IL18R1: variants seen among roughly 807,000 people sequenced by gnomAD.
The protein encoded by IL18R1 is interleukin 18 receptor 1, also known as interleukin-18 receptor 1.
Under a neutral mutation model 48.5 loss-of-function variants are expected in IL18R1, and 40 were observed. The observed-to-expected ratio is 0.82, with a 90% CI of 0.64 to 1.07. IL18R1 has a LOEUF of 1.07. IL18R1 is among the 50% of genes least tolerant of loss of function. IL18R1 has a pLI of 0.00. For synonymous variants in IL18R1, 232 were observed against 225.9 expected (o/e 1.03, Z -0.24); for missense variants, 596 against 633.7 (o/e 0.94, Z 0.64).
chr2:102,361,004 C>A (rs1573180413), intron 1 of IL18R1, among the ~76,000 whole-genome samples: 1 of 152,124 alleles, frequency 6.6e-6, no homozygotes, highest in Non-Finnish European at 1.5e-5. Context: ...CAAATACCAG[C>A]TAATTTTTGT....
intron 8 of IL18R1, among the ~76,000 whole-genome samples, chr2:102,388,363 C>T (rs774699077): frequency 5.1e-4 from 77 of 152,192 alleles, no homozygotes; most frequent in Non-Finnish European, 9.6e-4. Context: ...CAGGGTCACA[C>T]GGCAGGTGAA....
intron 5 of IL18R1, among the ~76,000 whole-genome samples, chr2:102,378,801 G>A (rs537865976): frequency 1.7e-4 from 26 of 152,314 alleles, no homozygotes; most frequent in East Asian, 5.8e-4. Flanking sequence ...CATACAACAA[G>A]AAGTCTAGAC....
chr2:102,358,950 CAGTT>C (rs753081464), intron 1 of IL18R1, among the ~76,000 whole-genome samples: 6 of 151,998 alleles, frequency 3.9e-5, no homozygotes, highest in East Asian at 1.9e-4. Context: ...GAAAATATGA[CAGTT>C]AGTGATAAGT....
chr2:102,380,290 T>C (rs1420124617), intron 5 of IL18R1, among the ~76,000 whole-genome samples: 1 of 152,210 alleles, frequency 6.6e-6, no homozygotes, highest in Non-Finnish European at 1.5e-5. Context: ...ATTTGAGTGT[T>C]AGTAGACAGC....
At chr2:102,371,048 T>TTTTG (rs748010835) in intron 3 of IL18R1, among the ~76,000 whole-genome samples, 3 of 134,176 alleles carry the variant, frequency 2.2e-5, no homozygotes, top group Admixed American at 7.3e-5. Flanking sequence ...ATCACCTTTT[T>TTTTG]TTGTTGTTGT....
chr2:102,372,495 T>C (rs561009437), intron 4 of IL18R1, among the ~76,000 whole-genome samples: 1 of 152,364 alleles, frequency 6.6e-6, no homozygotes, highest in South Asian at 2.1e-4. Context: ...TTTCTGAATA[T>C]ATTAGTTCAT....
intron 5 of IL18R1, among the ~76,000 whole-genome samples, chr2:102,380,331 C>T (rs1679845565): frequency 6.6e-6 from 1 of 152,166 alleles, no homozygotes; most frequent in South Asian, 2.1e-4. Context: ...TTCACACTGC[C>T]CCTTCTCAAG....
At position 102,386,981 on chromosome 2, in the gene IL18R1, C is replaced by A; in HGVS notation, c.930C>A (p.Ser310Arg). Residue 310 changes from serine to arginine, a missense_variant, in exon 8 of 11, where the codon AGC (serine) becomes AGA (arginine). Physicochemically the swap from Ser to Arg is moderately radical, Grantham distance 110. Transcript: ENST00000233957. Reference sequence around the variant, plus strand: ...GCACGGGAGGCACAGACACCAAAAGCTTCATCTTGGTGAGAAAAGGTGAGA... The same window carrying A: ...GCACGGGAGGCACAGACACCAAAAGATTCATCTTGGTGAGAAAAGGTGAGA... ...VASTGGTDTK[S>R]FILVRKADMA... 1.2e-6 allele frequency: 2 copies of A among 1,613,270 alleles called. No homozygotes were observed. The highest frequency in any genetic ancestry group is 1.7e-6 in the Non-Finnish European group (2 of 1,179,756).
intron 2 of IL18R1, among the ~76,000 whole-genome samples, chr2:102,363,834 A>G (rs1458767974): frequency 6.6e-6 from 1 of 152,234 alleles, no homozygotes; most frequent in Admixed American, 6.5e-5. Flanking sequence ...CAAACTCAAG[A>G]CAGTTTCAAA....
Position 102,376,070 on chromosome 2 carries a change from G to A in IL18R1, c.625+7G>A, listed in dbSNP as rs776874442. Reference sequence around the variant, plus strand: ...AATATAACAATAGTGGAAGGTAAGGGAAATCTTAGAATTGGGAAGAAACAG... The same window carrying A: ...AATATAACAATAGTGGAAGGTAAGGAAAATCTTAGAATTGGGAAGAAACAG... On this transcript the variant is annotated splice_region_variant and intron_variant, in intron 5 of 10. Transcript: ENST00000233957. The A allele has an allele frequency of 6.4e-7, 1 of 1,550,428 alleles. No homozygotes were observed. Among genetic ancestry groups the A allele is most frequent in the East Asian group, 2.3e-5 (1 of 42,956 alleles).
chr2:102,381,674 T>C lies in IL18R1; in HGVS notation c.680T>C (p.Val227Ala). The C allele has an allele frequency of 2.5e-6, 4 of 1,607,128 alleles. No individual in the cohort carries two copies. Among genetic ancestry groups the C allele is most frequent in the Non-Finnish European group, 3.4e-6 (4 of 1,173,722 alleles). The change falls in exon 6 of 11, where the codon GTG becomes GCG. Residue 227 changes from valine to alanine, a missense_variant. Val to Ala is a moderately conservative substitution (Grantham distance 64). This residue lies in a region of IL18R1 where 360 missense variants were observed against 339.4 expected (regional missense o/e 1.06). Transcript: ENST00000233957. ...LLGPKLNHVA[V>A]ELGKNVRLNC... Reference sequence around the variant, plus strand: ...GGACCAAAGCTTAACCATGTTGCAGTGGAATTAGGTATATTTCAATATACA... The same window carrying C: ...GGACCAAAGCTTAACCATGTTGCAGCGGAATTAGGTATATTTCAATATACA...
At position 102,376,419 on chromosome 2, in the gene IL18R1, G is replaced by A. The variant is rs1052391907; in HGVS notation, c.625+356G>A. ...AATAAACTGTACTTAGCACAAGGAG[G>A]CAGGGAAGCAAGGAAGTATGAGATG... On this transcript the variant is annotated intron_variant, in intron 5 of 10. Transcript: ENST00000233957. 3.3e-5 allele frequency among the ~76,000 whole-genome samples: 5 copies of A among 152,312 alleles called. No homozygotes were observed. The East Asian group carries it at 7.7e-4, about 23-fold the overall frequency.
chr2:102,387,261 A>G (rs1680287946), intron 8 of IL18R1, among the ~76,000 whole-genome samples: 1 of 152,154 alleles, frequency 6.6e-6, no homozygotes, highest in Non-Finnish European at 1.5e-5. Context: ...TTGGAGATAC[A>G]GATGCTGAGA....
chr2:102,385,127 G>A (rs1405057073), intron 7 of IL18R1, 129 bp downstream of exon 7: 2 of 477,770 alleles, frequency 4.2e-6, no homozygotes, highest in Non-Finnish European at 7.0e-6. Context: ...TAATTATAAT[G>A]GACATATTTT....
intron 4 of IL18R1, among the ~76,000 whole-genome samples, chr2:102,373,221 T>C (rs1355826292): frequency 1.3e-5 from 2 of 152,232 alleles, no homozygotes; most frequent in South Asian, 2.1e-4. Flanking sequence ...CTTCAGTTGG[T>C]ATACCTTTTA....
intron 9 of IL18R1, among the ~76,000 whole-genome samples, chr2:102,391,464 A>G (rs1456604275): frequency 1.3e-5 from 2 of 152,224 alleles, no homozygotes; most frequent in Non-Finnish European, 2.9e-5. Flanking sequence ...ATTTGTGCAG[A>G]GCTACCACTG....
chr2:102,366,274 A>G (rs1204291757), intron 2 of IL18R1, among the ~76,000 whole-genome samples: 2 of 152,190 alleles, frequency 1.3e-5, no homozygotes, highest in Non-Finnish European at 2.9e-5. Context: ...ATAGATCTCT[A>G]GGACAAGGGC....
In IL18R1 at chr2:102,398,661, A is replaced by G. The variant is rs1470149030; in HGVS notation, c.*1775A>G. ...TTCTCTTTTATTATACTTGCTTTAA[A>G]ATACTTGAAATATATTTTGCATTAA... is the stretch of plus-strand genomic sequence containing the variant. On this transcript the variant is annotated 3_prime_UTR_variant, in exon 11 of 11. Transcript: ENST00000233957. The G allele has an allele frequency of 6.6e-6, 1 of 152,372 alleles. No homozygotes were observed. Among genetic ancestry groups the G allele is most frequent in the Admixed American group, 6.5e-5 (1 of 15,286 alleles). The allele number at this position is 152,372 out of a possible 1,614,324, so 9.4% of individuals were successfully genotyped here.
intron 1 of IL18R1, among the ~76,000 whole-genome samples, chr2:102,357,347 C>G (rs189516988): frequency 1.4e-3 from 212 of 152,102 alleles, no homozygotes; most frequent in African/African-American, 4.6e-3. Flanking sequence ...GAAAATTAGC[C>G]AGGCATGGTG....
Sources: allele counts gnomAD v4.1 joint callset (sites outside exome capture counted in the v4.1 genomes callset), GRCh38; gene constraint gnomAD v4.1.1; regional missense constraint gnomAD v4.1.1; transcripts MANE v1.5; gene names NCBI Gene and HGNC (gene_info 2026-07-23, HGNC 2026-07-21).